UBE4B: variants seen among roughly 807,000 people sequenced by gnomAD.
The protein encoded by UBE4B is ubiquitination factor E4B, also known as ubiquitin conjugation factor E4 B.
In UBE4B, 27 loss-of-function variants were observed where a neutral mutation model predicts 148.1. The observed-to-expected ratio is 0.18, with a 90% CI of 0.13 to 0.25. The LOEUF (loss-of-function observed/expected upper bound fraction) is 0.25. UBE4B is among the 10% of genes least tolerant of loss of function. The pLI is 1.00. For missense variants in UBE4B, 1,170 were observed against 1,662.4 expected, an observed-to-expected ratio of 0.70 and a Z score of 5.15; for synonymous variants, 596 against 619.3, an observed-to-expected ratio of 0.96 and a Z score of 0.56.
chr1:10,132,410 C>G lies in UBE4B; in HGVS notation c.1953C>G (p.Gly651=). 6.2e-7 allele frequency: 1 copy of G among 1,614,074 alleles called. No individual in the cohort carries two copies. The change falls in exon 15 of 28, where the codon GGC becomes GGG. Residue 651 remains glycine (G), a synonymous_variant. Coordinates refer to ENST00000343090, the MANE Select transcript of UBE4B (RefSeq NM_001105562.3). The part of the protein sequence containing the change: ...FKILHSILLN[G]ETREAALSYM... Reference sequence around the variant, plus strand: ...TTCTGCATAGTATTTTGTTAAATGGCGAAACCCGTGAGGCTGCTCTCAGTT... The same window carrying G: ...TTCTGCATAGTATTTTGTTAAATGGGGAAACCCGTGAGGCTGCTCTCAGTT...
chr1:10,112,110 A>G (rs1221947899), intron 7 of UBE4B, among the ~76,000 whole-genome samples: 1 of 152,220 alleles, frequency 6.6e-6, no homozygotes, highest in Non-Finnish European at 1.5e-5. Flanking sequence ...CACAGATCGG[A>G]TGCACGTGTA....
At chr1:10,073,799 C>G (rs1644530066) in intron 2 of UBE4B, among the ~76,000 whole-genome samples, 1 of 152,074 alleles carries the variant, frequency 6.6e-6, no homozygotes, top group Non-Finnish European at 1.5e-5. Flanking sequence ...CAGGCTGTTG[C>G]ACCATGCTTC....
chr1:10,166,067 GC>G (rs942232920), intron 23 of UBE4B, among the ~76,000 whole-genome samples: 1 of 152,094 alleles, frequency 6.6e-6, no homozygotes, highest in Admixed American at 6.6e-5. Flanking sequence ...GGAACGGCAG[GC>G]CCCCCAGTAT....
chr1:10,040,648 G>A (rs1426262662), intron 1 of UBE4B, among the ~76,000 whole-genome samples: 14 of 143,204 alleles, frequency 9.8e-5, no homozygotes, highest in East Asian at 6.3e-4. Flanking sequence ...ATGGAGTTTC[G>A]CTCTTGTTGC....
At chr1:10,087,986 A>G (rs2101860373) in intron 2 of UBE4B, among the ~76,000 whole-genome samples, 1 of 152,350 alleles carries the variant, frequency 6.6e-6, no homozygotes, top group Middle Eastern at 3.4e-3. Context: ...TTCAGTAGCA[A>G]CATTACTTAT....
At chr1:10,162,362 A>G (rs1209148912) in intron 23 of UBE4B, among the ~76,000 whole-genome samples, 1 of 151,776 alleles carries the variant, frequency 6.6e-6, no homozygotes, top group Non-Finnish European at 1.5e-5. Flanking sequence ...TTTAGTAGAG[A>G]TGGGGTTTCA....
At chr1:10,068,010 G>A (rs937315402) in intron 1 of UBE4B, among the ~76,000 whole-genome samples, 4 of 149,286 alleles carry the variant, frequency 2.7e-5, no homozygotes, top group Non-Finnish European at 5.9e-5. Context: ...TTACAGGGGT[G>A]AGCCATCATG....
At chr1:10,093,535 A>G (rs1644882020) in intron 2 of UBE4B, among the ~76,000 whole-genome samples, 1 of 152,212 alleles carries the variant, frequency 6.6e-6, no homozygotes, top group South Asian at 2.1e-4. Context: ...GCTTTCAGGA[A>G]TGGATAAATG....
intron 2 of UBE4B, chr1:10,072,768 A>C: frequency 3.0e-6 from 1 of 338,760 alleles, no homozygotes; most frequent in East Asian, 5.0e-5. Context: ...GGGAAATGAT[A>C]TTTCTCATAC....
chr1:10,105,889 G>C (rs1389417804), intron 6 of UBE4B, 145 bp downstream of exon 6: 5 of 965,340 alleles, frequency 5.2e-6, no homozygotes, highest in African/African-American at 3.3e-5. Flanking sequence ...TTAGTCATTG[G>C]AAGTGGAATT....
intron 25 of UBE4B, among the ~76,000 whole-genome samples, chr1:10,173,338 C>T (rs1026451846): frequency 6.6e-6 from 1 of 151,756 alleles, no homozygotes; most frequent in Non-Finnish European, 1.5e-5. Flanking sequence ...AAAAATTAGC[C>T]GGGCGTGGTG....
intron 15 of UBE4B, 56 bp from the exon 16 acceptor site, chr1:10,134,932 C>A: frequency 6.5e-7 from 1 of 1,536,122 alleles, no homozygotes; most frequent in Non-Finnish European, 8.9e-7. Context: ...GAGACCCCAT[C>A]TCAAAAAAAA....
Position 10,106,514 on chromosome 1 carries a change from G to T in UBE4B, c.1127G>T (p.Gly376Val). The T allele has an allele frequency of 1.2e-6, 2 of 1,611,258 alleles. No individual in the cohort carries two copies. Among genetic ancestry groups the T allele is most frequent in the East Asian group, 4.5e-5 (2 of 44,874 alleles). ...SSSRQRPSST[G>V]PPLPPASPSA... ...TCCAGACAGAGGCCCAGCAGCACGG[G>T]TCCACCCCTACCACCCGCCTCACCC... is the stretch of plus-strand genomic sequence containing the variant. The change falls in exon 7 of 28, where the codon GGT becomes GTT. Residue 376 changes from glycine to valine, a missense_variant. Transcript: ENST00000343090. This position sits in a 1 kb window ranked among gnomAD's most constrained non-coding sequence, Gnocchi z 4.2.
chr1:10,044,081 C>CA (rs141566548), intron 1 of UBE4B, among the ~76,000 whole-genome samples: 66 of 151,870 alleles, frequency 4.3e-4, no homozygotes, highest in Non-Finnish European at 8.2e-4. Flanking sequence ...CTCTGTTACT[C>CA]ACGCTGGAGT....
At position 10,103,087 on chromosome 1, in the gene UBE4B, A is replaced by G. The variant is rs1417050614; in HGVS notation, c.575A>G (p.Lys192Arg). ...SLSAQFKQNPKEVFSDFKDLI... is the reference protein window; with the variant it reads ...SLSAQFKQNPREVFSDFKDLI... The stretch of plus-strand genomic sequence containing the variant: ...TCTGCACAGTTTAAGCAGAACCCAA[A>G]AGAAGGTAGGAATCTAGCTCAGCAG... The change falls in exon 5 of 28, where the codon AAA (lysine) becomes AGA (arginine). Residue 192 changes from lysine (K) to arginine (R), a missense_variant. Around this residue, in one of 6 missense-constraint regions of UBE4B, gnomAD observed 91 missense variants for 120.5 expected, o/e 0.76. Coordinates refer to ENST00000343090, the MANE Select transcript of UBE4B (RefSeq NM_001105562.3). 3 of 1,602,380 alleles carry G rather than the reference A, an allele frequency of 1.9e-6. No individual in the cohort carries two copies. The highest frequency in any genetic ancestry group is 1.7e-6 in the Non-Finnish European group (2 of 1,173,324).
chr1:10,033,943 A>G (rs1403240035), intron 1 of UBE4B, among the ~76,000 whole-genome samples: 1 of 152,148 alleles, frequency 6.6e-6, no homozygotes, highest in Non-Finnish European at 1.5e-5. Flanking sequence ...GAACAAGAGG[A>G]GAGAGCATCT....
At position 10,106,097 on chromosome 1, in the gene UBE4B, A is replaced by G. The variant is rs377064938; in HGVS notation, c.810-100A>G. Reference sequence around the variant, plus strand: ...ATCTGCTAGATATACTTGAACTGAAATGATTCTCCTTTAAAAGCTTGATAT... The same window carrying G: ...ATCTGCTAGATATACTTGAACTGAAGTGATTCTCCTTTAAAAGCTTGATAT... On this transcript the variant is annotated intron_variant, in intron 6 of 27. Transcript: ENST00000343090. The surrounding 1 kb of genome is among the most constrained non-coding windows in gnomAD (Gnocchi z 4.2). 8.9e-6 allele frequency: 12 copies of G among 1,351,624 alleles called. No homozygotes were observed. The highest frequency in any genetic ancestry group is 2.9e-5 in the African/African-American group (2 of 68,262). The allele number at this position is 1,351,624 out of a possible 1,614,324, so 83.7% of individuals were successfully genotyped here. A position where few individuals can be genotyped will look rare whatever the true frequency, so the allele number is the denominator to read the frequency against.
chr1:10,135,151 C>T lies in UBE4B; in HGVS notation c.2189C>T (p.Thr730Met), dbSNP rs753923979. 8 of 1,613,732 alleles carry T rather than the reference C, an allele frequency of 5.0e-6. No homozygotes were observed. The highest frequency in any genetic ancestry group is 1.3e-5 in the African/African-American group (1 of 74,860). ...LPNDETRVNA[T>M]MEDVNDWLTE... ...AATGATGAGACGCGTGTGAATGCAA[C>T]GATGGAAGATGTGAATGACTGGCTG... is the stretch of plus-strand genomic sequence containing the variant. Residue 730 changes from threonine (T) to methionine (M), a missense_variant, in exon 16 of 28, where the codon ACG becomes ATG. Around this residue, in one of 6 missense-constraint regions of UBE4B, gnomAD observed 388 missense variants for 536.0 expected, o/e 0.72. Coordinates refer to ENST00000343090, the MANE Select transcript of UBE4B (RefSeq NM_001105562.3).
At chr1:10,142,592 A>T (rs549990537) in intron 17 of UBE4B, among the ~76,000 whole-genome samples, 2 of 152,158 alleles carry the variant, frequency 1.3e-5, no homozygotes, top group Non-Finnish European at 2.9e-5. Context: ...AATCGCTTGA[A>T]CACGGGAGAC....
Sources: gnomAD v4.1 joint callset for allele counts (sites outside exome capture counted in the v4.1 genomes callset) on GRCh38, gnomAD v4.1.1 for gene constraint, gnomAD v4.1.1 regional missense constraint, Gnocchi (gnomAD v3.1) non-coding constraint, MANE v1.5 for transcripts, NCBI Gene and HGNC (gene_info 2026-07-23, HGNC 2026-07-21) for gene names.